Variants in ATP8B1 observed in about 807,000 individuals in gnomAD.
The protein encoded by ATP8B1 is ATPase phospholipid transporting 8B1, also known as phospholipid-transporting ATPase IC.
A neutral mutation model predicts 149.9 loss-of-function variants in ATP8B1; 80 were observed. The observed-to-expected ratio is 0.53, with a 90% CI of 0.45 to 0.64. The LOEUF is 0.64. Among genes scored for constraint, ATP8B1 ranks in the 30% least tolerant of loss-of-function variants. ATP8B1 has a pLI of 0.00. For missense variants in ATP8B1, 1,247 were observed against 1,552.6 expected (o/e 0.80, Z 3.31); for synonymous variants, 536 against 562.8 (o/e 0.95, Z 0.67).
rs1347495421 is a variant in ATP8B1, at chr18:57,784,007, G to C, written c.-26+18991C>G. On this transcript the variant is annotated intron_variant, in intron 1 of 27. Coordinates refer to ENST00000648908, the MANE Select transcript of ATP8B1 (RefSeq NM_001374385.1). This position sits in a 1 kb window ranked among gnomAD's most constrained non-coding sequence, Gnocchi z 4.4. Reference sequence around the variant, plus strand: ...CTACTTGAAAAAGAAAGAGTGAGCAGAGGACATAACTCAGGAGGGACTCCT... The same window carrying C: ...CTACTTGAAAAAGAAAGAGTGAGCACAGGACATAACTCAGGAGGGACTCCT... Among the ~76,000 whole-genome samples, 1 of 152,150 alleles carries C rather than the reference G, an allele frequency of 6.6e-6. No homozygotes were observed. The highest frequency in any genetic ancestry group is 1.5e-5 in the Non-Finnish European group (1 of 68,010).
chr18:57,758,738 CT>C (rs1428737489), intron 1 of ATP8B1, among the ~76,000 whole-genome samples: 1 of 151,478 alleles, frequency 6.6e-6, no homozygotes, highest in Non-Finnish European at 1.5e-5. Flanking sequence ...TTCTTTTGCA[CT>C]TAGCTTTTTT....
At chr18:57,731,031 T>C (rs1184969675) in intron 2 of ATP8B1, among the ~76,000 whole-genome samples, 1 of 152,154 alleles carries the variant, frequency 6.6e-6, no homozygotes, top group African/African-American at 2.4e-5. Context: ...TCGTAGCTCA[T>C]GCCTGTAATT....
intron 1 of ATP8B1, among the ~76,000 whole-genome samples, chr18:57,742,245 T>C (rs1004750850): frequency 6.6e-6 from 1 of 152,146 alleles, no homozygotes; most frequent in African/African-American, 2.4e-5. Flanking sequence ...CATGAAGCAA[T>C]AGTAATAAAA....
chr18:57,672,931 T>TATATATATATATATAA (rs1301236712), intron 16 of ATP8B1, among the ~76,000 whole-genome samples: 1 of 33,196 alleles, frequency 3.0e-5, no homozygotes. Flanking sequence ...TATATATATA[T>TATATATATATATATAA]AACATGTATA....
chr18:57,788,923 G>A (rs1468775554), intron 1 of ATP8B1, among the ~76,000 whole-genome samples: 1 of 152,060 alleles, frequency 6.6e-6, no homozygotes, highest in Non-Finnish European at 1.5e-5. Flanking sequence ...AGCCCTTTTA[G>A]GAGAATAGGA....
chr18:57,773,252 T>C (rs1196152838), intron 1 of ATP8B1, among the ~76,000 whole-genome samples: 1 of 146,856 alleles, frequency 6.8e-6, no homozygotes, highest in South Asian at 2.2e-4. Context: ...GACCAAGGAC[T>C]CCAGGAAAAG....
intron 12 of ATP8B1, among the ~76,000 whole-genome samples, chr18:57,691,574 A>C (rs913019521): frequency 3.9e-5 from 6 of 152,236 alleles, no homozygotes; most frequent in African/African-American, 1.4e-4. Context: ...TCGATCTTTG[A>C]AATTCCCTAC....
rs537380377 is a variant in ATP8B1 at position 57,765,031 on chromosome 18, A to G, written c.-25-33199T>C. 2.6e-5 allele frequency among the ~76,000 whole-genome samples: 4 copies of G among 152,376 alleles called. No individual in the cohort carries two copies. The East Asian group carries it at 5.8e-4, about 22-fold the overall frequency. Reference sequence around the variant, plus strand: ...GTGATATTCACAAAAGCAAAGAGGTAGAAACAATCCAAATGCTATCTGATA... The same window carrying G: ...GTGATATTCACAAAAGCAAAGAGGTGGAAACAATCCAAATGCTATCTGATA... On this transcript the variant is annotated intron_variant, in intron 1 of 27. Coordinates refer to ENST00000648908, the MANE Select transcript of ATP8B1 (RefSeq NM_001374385.1).
At chr18:57,697,562 G>C (rs374779448) in intron 8 of ATP8B1, 56 bp downstream of exon 8, 235 of 1,571,046 alleles carry the variant, frequency 1.5e-4, no homozygotes, top group African/African-American at 8.4e-4. Context: ...GATTTCAGTG[G>C]AATGAATGTG....
chr18:57,761,616 T>C (rs2080158887), intron 1 of ATP8B1, among the ~76,000 whole-genome samples: 1 of 152,022 alleles, frequency 6.6e-6, no homozygotes, highest in African/African-American at 2.4e-5. Flanking sequence ...TTTCTGGCAC[T>C]AAATCTCCTA....
chr18:57,791,847 T>C (rs2080467571), intron 1 of ATP8B1, among the ~76,000 whole-genome samples: 1 of 152,210 alleles, frequency 6.6e-6, no homozygotes. Context: ...GTTTCATATC[T>C]CTTTTGTTCA....
intron 20 of ATP8B1, among the ~76,000 whole-genome samples, chr18:57,665,860 T>A (rs1233655359): frequency 6.6e-6 from 1 of 152,142 alleles, no homozygotes; most frequent in Non-Finnish European, 1.5e-5. Context: ...CTGTTGCTAC[T>A]TTTTTAAAAC....
chr18:57,658,601 C>A (rs564276011), intron 22 of ATP8B1, among the ~76,000 whole-genome samples: 1 of 151,298 alleles, frequency 6.6e-6, no homozygotes, highest in Non-Finnish European at 1.5e-5. Flanking sequence ...TAATTTCACT[C>A]GACTACTTTA....
intron 12 of ATP8B1, among the ~76,000 whole-genome samples, chr18:57,688,914 A>G (rs1321276006): frequency 1.3e-5 from 2 of 152,150 alleles, no homozygotes; most frequent in Non-Finnish European, 2.9e-5. Context: ...TGAGCAATAA[A>G]TTTCGAAGGT....
At chr18:57,654,157 A>T in intron 23 of ATP8B1, 82 bp from the exon 24 acceptor site, 1 of 1,217,958 alleles carries the variant, frequency 8.2e-7, no homozygotes, top group Non-Finnish European at 1.2e-6. Flanking sequence ...TGCTTCCTTT[A>T]TTTAACATTT....
intron 10 of ATP8B1, 60 bp downstream of exon 10, chr18:57,695,111 A>C (rs200128035): frequency 1.2e-5 from 19 of 1,581,598 alleles, no homozygotes; most frequent in Middle Eastern, 3.3e-4. Flanking sequence ...CAGAAAAGCA[A>C]TCCCCTCTAA....
chr18:57,677,695 G>A (rs920809096), intron 15 of ATP8B1, among the ~76,000 whole-genome samples: 6 of 152,256 alleles, frequency 3.9e-5, no homozygotes, highest in Middle Eastern at 3.4e-3. Flanking sequence ...AGCTATAAAC[G>A]CACTTCCTAA....
chr18:57,671,192 T>C (rs1226746819), intron 17 of ATP8B1, among the ~76,000 whole-genome samples: 2 of 152,152 alleles, frequency 1.3e-5, no homozygotes, highest in Non-Finnish European at 2.9e-5. Context: ...TCAAGGCCAC[T>C]GGAAGAGAGC....
chr18:57,703,882 A>G (rs184855244), intron 4 of ATP8B1, among the ~76,000 whole-genome samples: 3 of 152,216 alleles, frequency 2.0e-5, no homozygotes, highest in Middle Eastern at 3.2e-3. Flanking sequence ...TTGGGGGGGA[A>G]ATTCAGCATC....
Sources: allele counts gnomAD v4.1 joint callset (sites outside exome capture counted in the v4.1 genomes callset), GRCh38; gene constraint gnomAD v4.1.1; non-coding constraint Gnocchi (gnomAD v3.1); transcripts MANE v1.5; gene names NCBI Gene and HGNC (gene_info 2026-07-23, HGNC 2026-07-21).